LSR: variants seen among roughly 807,000 people sequenced by gnomAD.
LSR encodes the protein lipolysis stimulated lipoprotein receptor.
LSR carries 44 observed loss-of-function variants against 61.8 expected under a neutral mutation model. That is an observed-to-expected ratio of 0.71 (90% CI 0.56 to 0.91). The LOEUF (loss-of-function observed/expected upper bound fraction) is 0.91, where lower values mean the gene tolerates loss of function less well. Ranked by LOEUF, LSR falls within the 40% of genes least tolerant of loss-of-function variation. LSR has a pLI of 0.00. For missense variants in LSR, 911 were observed against 830.5 expected (o/e 1.10, Z -1.19); for synonymous variants, 397 against 350.6 (o/e 1.13, Z -1.48).
At chr19:35,252,805 G>A (rs1273483406) in intron 2 of LSR, among the ~76,000 whole-genome samples, 2 of 152,062 alleles carry the variant, frequency 1.3e-5, no homozygotes, top group African/African-American at 4.8e-5. Flanking sequence ...TTGAGCCTAG[G>A]AGTTTGAGAC....
At chr19:35,254,582 A>C (rs1432494368) in intron 2 of LSR, among the ~76,000 whole-genome samples, 1 of 152,160 alleles carries the variant, frequency 6.6e-6, no homozygotes, top group Non-Finnish European at 1.5e-5. Flanking sequence ...CCCCACCTCC[A>C]GCTGCACTGC....
chr19:35,249,428 C>G lies in LSR; in HGVS notation c.109+297C>G, dbSNP rs1459231016. 11 of 410,334 alleles carry G rather than the reference C, an allele frequency of 2.7e-5. No homozygotes were observed. The East Asian group carries it at 5.2e-4, about 19-fold the overall frequency. 25.4% of individuals were successfully genotyped at this position (410,334 alleles called of 1,614,324 possible). On this transcript the variant is annotated intron_variant, in intron 1 of 9. Coordinates refer to ENST00000605618, the MANE Select transcript of LSR (RefSeq NM_205834.4). ...TTGTGGGGAGGGAGTGGAAGACCGCCCGATCTCTGGGAAAAGAAAAGCCGG... is the reference window on the plus strand; with the variant it reads ...TTGTGGGGAGGGAGTGGAAGACCGCGCGATCTCTGGGAAAAGAAAAGCCGG...
At chr19:35,263,028 C>T (rs2065950949) in intron 5 of LSR, 1 of 206,092 alleles carries the variant, frequency 4.9e-6, no homozygotes, top group East Asian at 1.3e-4. Flanking sequence ...GCCTGTAATC[C>T]CAGCACTTTG....
At chr19:35,254,100 G>C (rs1456856629) in intron 2 of LSR, among the ~76,000 whole-genome samples, 52 of 152,120 alleles carry the variant, frequency 3.4e-4, no homozygotes, top group Non-Finnish European at 2.9e-5. Flanking sequence ...CACTGTGCTG[G>C]GGTTTTTCTG....
Position 35,259,069 on chromosome 19 carries a change from G to T in LSR, c.574+5G>T, listed in dbSNP as rs764227347. ...ACGCAGAGCTCATCGTCCTTGGTGA[G>T]TGGGCCTGGGAAGGGGGAGGCATGG... On this transcript the variant is annotated splice_donor_5th_base_variant and intron_variant, in intron 3 of 9. Transcript: ENST00000605618. 1 of 1,611,794 alleles carries T rather than the reference G, an allele frequency of 6.2e-7. No homozygotes were observed. Among genetic ancestry groups the T allele is most frequent in the East Asian group, 2.2e-5 (1 of 44,826 alleles).
Position 35,267,904 on chromosome 19 carries a change from A to T in LSR, c.*45A>T. ...CTTTTGTATTTTTTTTTTTAATTTG[A>T]AGGAACACTGATGAAGCCCTGCCAT... On this transcript the variant is annotated 3_prime_UTR_variant, in exon 10 of 10. Transcript: ENST00000605618. 6.3e-7 allele frequency: 1 copy of T among 1,599,652 alleles called. No individual in the cohort carries two copies. The highest frequency in any genetic ancestry group is 8.6e-7 in the Non-Finnish European group (1 of 1,168,284).
At chr19:35,258,900 G>A (rs1437958359) in intron 2 of LSR, 45 bp from the exon 3 acceptor site, 2 of 1,611,878 alleles carry the variant, frequency 1.2e-6, no homozygotes, top group East Asian at 2.2e-5. Context: ...GGGGTTAGGT[G>A]CCCCAGCCTC....
Position 35,262,703 on chromosome 19 carries a change from C to T in LSR, c.778+11C>T, listed in dbSNP as rs367775342. 32 of 1,611,628 alleles carry T rather than the reference C, an allele frequency of 2.0e-5. No individual in the cohort carries two copies. The East Asian group carries it at 3.6e-4, about 18-fold the overall frequency. On this transcript the variant is annotated intron_variant, in intron 5 of 9. Transcript: ENST00000605618. ...GCTGCCCCGAGGCCCGTAAGTGTCC[C>T]GCTCATGGCCACCCTGGTTTGGGCA...
rs954328666 is a variant in LSR at position 35,266,816 on chromosome 19, C to A, written c.1013-20C>A. On this transcript the variant is annotated intron_variant, in intron 7 of 9. Coordinates refer to ENST00000605618, the MANE Select transcript of LSR (RefSeq NM_205834.4). ...CCAGGATCCATCCTCCCAAACCGAC[C>A]ACCACCCCCCTGTCCCTAGAAGTCC... The A allele has an allele frequency of 1.9e-6, 3 of 1,606,814 alleles. No homozygotes were observed. In the East Asian group the frequency reaches 6.7e-5, roughly 36 times the overall value.
rs532385520 is a variant in LSR at position 35,266,661 on chromosome 19, A to G, written c.953-18A>G. On this transcript the variant is annotated intron_variant, in intron 6 of 9. Coordinates refer to ENST00000605618, the MANE Select transcript of LSR (RefSeq NM_205834.4). ...CTCTGCTCCTGGTGCGCGGCCACTGACAGCCACTCTCCCCCAGCTGGTGGC... is the reference window on the plus strand; with the variant it reads ...CTCTGCTCCTGGTGCGCGGCCACTGGCAGCCACTCTCCCCCAGCTGGTGGC... 5.6e-6 allele frequency: 9 copies of G among 1,604,230 alleles called. No homozygotes were observed. Among genetic ancestry groups the G allele is most frequent in the South Asian group, 3.3e-5 (3 of 89,610 alleles).
intron 2 of LSR, among the ~76,000 whole-genome samples, chr19:35,256,849 T>G (rs1361016609): frequency 6.6e-6 from 1 of 152,056 alleles, no homozygotes; most frequent in African/African-American, 2.4e-5. Context: ...TTTTTCTTTT[T>G]TTTTTGAGAT....
chr19:35,264,852 T>C (rs1213277146), intron 5 of LSR: 1 of 152,140 alleles, frequency 6.6e-6, no homozygotes, highest in Non-Finnish European at 1.5e-5. Context: ...ATATAAAATA[T>C]TCTACGTCTG....
chr19:35,259,628 ACT>A (rs1334394620), intron 3 of LSR, among the ~76,000 whole-genome samples: 1 of 147,212 alleles, frequency 6.8e-6, no homozygotes, highest in African/African-American at 2.5e-5. Flanking sequence ...ACAGAGTGAG[ACT>A]CTGTCCAAAA....
chr19:35,267,328 C>G lies in LSR; in HGVS notation c.1364C>G (p.Pro455Arg), dbSNP rs776650172. The G allele has an allele frequency of 1.9e-6, 3 of 1,564,542 alleles. No homozygotes were observed. Among genetic ancestry groups the G allele is most frequent in the African/African-American group, 2.7e-5 (2 of 73,812 alleles). ...GACGCCCTGGACGACCTCACCCCGC[C>G]GAGCACCGCCGAGTCAGGGAGCAGG... ...SVDALDDLTP[P>R]STAESGSRSP... The change falls in exon 9 of 10, where the codon CCG (proline) becomes CGG (arginine). Residue 455 changes from proline to arginine, a missense_variant. By Grantham distance (103) the Pro-to-Arg change is moderately radical (BLOSUM62 -2). Coordinates refer to ENST00000605618, the MANE Select transcript of LSR (RefSeq NM_205834.4).
rs2066050872 is a variant in LSR, at chr19:35,267,903, G to A, written c.*44G>A. On this transcript the variant is annotated 3_prime_UTR_variant, in exon 10 of 10. Coordinates refer to ENST00000605618, the MANE Select transcript of LSR (RefSeq NM_205834.4). ...GCTTTTGTATTTTTTTTTTTAATTT[G>A]AAGGAACACTGATGAAGCCCTGCCA... 6.9e-6 allele frequency: 11 copies of A among 1,599,224 alleles called. No homozygotes were observed. Among genetic ancestry groups the A allele is most frequent in the Non-Finnish European group, 9.4e-6 (11 of 1,167,966 alleles).
intron 7 of LSR, 37 bp from the exon 8 acceptor site, chr19:35,266,799 C>T: frequency 6.2e-7 from 1 of 1,608,056 alleles, no homozygotes; most frequent in Non-Finnish European, 8.5e-7. Flanking sequence ...GGCCAGGATC[C>T]ATCCTCCCAA....
At chr19:35,263,022 G>A in intron 5 of LSR, 1 of 223,354 alleles carries the variant, frequency 4.5e-6, no homozygotes, top group South Asian at 9.0e-5. Flanking sequence ...GATTACGCCT[G>A]TAATCCCAGC....
intron 4 of LSR, 113 bp from the exon 5 acceptor site, chr19:35,262,433 C>T (rs2065942195): frequency 4.0e-6 from 5 of 1,244,838 alleles, no homozygotes; most frequent in Non-Finnish European, 5.7e-6. Context: ...CCTTGGTGAG[C>T]TTTGCAAATC....
At chr19:35,250,233 C>G in intron 1 of LSR, 82 bp from the exon 2 acceptor site, 1 of 902,522 alleles carries the variant, frequency 1.1e-6, no homozygotes, top group Non-Finnish European at 1.7e-6. Flanking sequence ...TTGCGAGTGT[C>G]AAGCTGGTGA....
Sources: allele counts gnomAD v4.1 joint callset (sites outside exome capture counted in the v4.1 genomes callset), GRCh38; gene constraint gnomAD v4.1.1; transcripts MANE v1.5; gene names NCBI Gene and HGNC (gene_info 2026-07-23, HGNC 2026-07-21).